CELA2A: variants seen among roughly 807,000 people sequenced by gnomAD.
The protein encoded by CELA2A is chymotrypsin-like elastase family member 2A.
Under a neutral mutation model 35.3 loss-of-function variants are expected in CELA2A, and 31 were observed. That is an observed-to-expected ratio of 0.88 (90% CI 0.66 to 1.19). CELA2A has a LOEUF of 1.19. Ranked by LOEUF, CELA2A falls within the 50% of genes most tolerant of loss-of-function variation. The pLI is 0.00. For missense variants in CELA2A, 330 were observed against 352.9 expected, an observed-to-expected ratio of 0.94 and a Z score of 0.52; for synonymous variants, 150 against 149.8, an observed-to-expected ratio of 1.00 and a Z score of -0.01.
chr1:15,459,377 TG>T (rs1217798120), intron 2 of CELA2A, among the ~76,000 whole-genome samples: 2 of 151,184 alleles, frequency 1.3e-5, no homozygotes, highest in Non-Finnish European at 2.9e-5. Context: ...TTGCCCAGGC[TG>T]GTCTTGAACT....
chr1:15,467,748 T>C (rs1036677163), intron 7 of CELA2A, among the ~76,000 whole-genome samples: 4 of 151,974 alleles, frequency 2.6e-5, no homozygotes, highest in African/African-American at 7.2e-5. Flanking sequence ...AAAAGGAACA[T>C]AGAGGGTGGC....
intron 2 of CELA2A, among the ~76,000 whole-genome samples, chr1:15,460,469 T>C (rs898493600): frequency 6.6e-6 from 1 of 152,118 alleles, no homozygotes; most frequent in Admixed American, 6.5e-5. Context: ...AAACAGGTCA[T>C]CGTTCCCCAC....
At position 15,466,571 on chromosome 1, in the gene CELA2A, A is replaced by G. The variant is rs188002342; in HGVS notation, c.639+427A>G. On this transcript the variant is annotated intron_variant, in intron 6 of 7. Coordinates refer to ENST00000359621, the MANE Select transcript of CELA2A (RefSeq NM_033440.3). ...AGCGAAACTCAAAAAAAAAAACAAA[A>G]AAACTTGATCTTGGTTCTTTTTTGT... 1.0e-3 allele frequency among the ~76,000 whole-genome samples: 157 copies of G among 152,168 alleles called. 1 individual carries two copies. The highest frequency in any genetic ancestry group is 3.5e-3 in the African/African-American group (144 of 41,520).
chr1:15,465,996 C>T lies in CELA2A; in HGVS notation c.494-3C>T, dbSNP rs770132962. ...CTAATGGCTTCTCTCTGATCTCATT[C>T]AGCCAACGGGGCTGTTCCTGATGTC... On this transcript the variant is annotated splice_polypyrimidine_tract_variant and splice_region_variant and intron_variant, in intron 5 of 7. Transcript: ENST00000359621. The T allele has an allele frequency of 2.4e-5, 39 of 1,613,984 alleles. 1 individual carries two copies. Among genetic ancestry groups the T allele is most frequent in the Non-Finnish European group, 3.1e-5 (36 of 1,180,024 alleles).
intron 5 of CELA2A, among the ~76,000 whole-genome samples, chr1:15,465,003 CTTTTTTTTTTT>C (rs34001591): frequency 9.0e-5 from 7 of 77,406 alleles, no homozygotes; most frequent in Admixed American, 1.9e-4. Context: ...CTTAACTTCC[CTTTTTTTTTTT>C]TTTTTTTTTT....
chr1:15,459,368 T>C (rs1708403039), intron 2 of CELA2A, among the ~76,000 whole-genome samples: 1 of 151,246 alleles, frequency 6.6e-6, no homozygotes, highest in Non-Finnish European at 1.5e-5. Context: ...CTCACTATGT[T>C]GCCCAGGCTG....
intron 5 of CELA2A, among the ~76,000 whole-genome samples, chr1:15,465,099 C>T (rs1708498322): frequency 6.8e-6 from 1 of 147,802 alleles, no homozygotes; most frequent in Non-Finnish European, 1.5e-5. Flanking sequence ...GCAACCTCTG[C>T]CTCCCGAGCT....
At chr1:15,467,818 G>A (rs1241584399) in intron 7 of CELA2A, among the ~76,000 whole-genome samples, 8 of 152,144 alleles carry the variant, frequency 5.3e-5, no homozygotes, top group Non-Finnish European at 1.2e-4. Flanking sequence ...GCTGGGCGCC[G>A]TGGCTCATGC....
At chr1:15,467,279 G>A (rs961202053) in intron 6 of CELA2A, 107 bp from the exon 7 acceptor site, 26 of 1,209,814 alleles carry the variant, frequency 2.1e-5, no homozygotes, top group Non-Finnish European at 3.0e-5. Flanking sequence ...GTCAGCTTCC[G>A]AGGACAGTGA....
chr1:15,458,980 G>A (rs572548656), intron 2 of CELA2A, among the ~76,000 whole-genome samples: 136 of 119,270 alleles, frequency 1.1e-3, no homozygotes, highest in African/African-American at 4.3e-3. Context: ...TAGAATGATG[G>A]CAGATATTTC....
chr1:15,461,725 A>C, intron 3 of CELA2A, 67 bp downstream of exon 3: 1 of 1,579,618 alleles, frequency 6.3e-7, no homozygotes, highest in South Asian at 1.1e-5. Context: ...CTGGGGGCTC[A>C]AATGGCCTGA....
intron 2 of CELA2A, among the ~76,000 whole-genome samples, chr1:15,458,878 A>G (rs1417778480): frequency 8.5e-6 from 1 of 117,232 alleles, no homozygotes; most frequent in African/African-American, 3.1e-5. Context: ...ACACCTCTGC[A>G]CTCCAGCCTG....
rs41307796 is a variant in CELA2A at position 15,462,718 on chromosome 1, C to T, written c.228-15C>T. On this transcript the variant is annotated splice_polypyrimidine_tract_variant and intron_variant, in intron 3 of 7. Transcript: ENST00000359621. ...CTCTGGAGGTGACCCTCTCCCTGGG[C>T]CCCCTTTCTCCCAGCTCCTCCAGGA... 10 of 1,613,414 alleles carry T rather than the reference C, an allele frequency of 6.2e-6. No homozygotes were observed. In the South Asian group the frequency reaches 6.6e-5, roughly 11 times the overall value.
chr1:15,462,639 C>T (rs1157087308), intron 3 of CELA2A, 94 bp from the exon 4 acceptor site: 4 of 1,502,602 alleles, frequency 2.7e-6, no homozygotes, highest in Middle Eastern at 1.8e-4. Context: ...CATCTAGTGG[C>T]TCACGCAGCA....
At chr1:15,457,260 T>G in intron 2 of CELA2A, 86 bp downstream of exon 2, 1 of 1,336,682 alleles carries the variant, frequency 7.5e-7, no homozygotes, top group Non-Finnish European at 1.1e-6. Flanking sequence ...GCGTCTATTG[T>G]GCTGGCAAAG....
chr1:15,462,186 G>T (rs1427052010), intron 3 of CELA2A: 6 of 469,796 alleles, frequency 1.3e-5, no homozygotes, highest in Non-Finnish European at 2.2e-5. Context: ...GCTCATCACA[G>T]CTGGAACTCA....
intron 3 of CELA2A, chr1:15,461,953 G>A (rs1292379214): frequency 3.3e-6 from 2 of 606,936 alleles, no homozygotes; most frequent in African/African-American, 1.8e-5. Context: ...TCTGGAATTG[G>A]GTTCCCTTGA....
intron 7 of CELA2A, among the ~76,000 whole-genome samples, chr1:15,468,784 C>G (rs905193627): frequency 1.3e-5 from 2 of 152,116 alleles, no homozygotes; most frequent in African/African-American, 4.8e-5. Context: ...CATAGCAAGA[C>G]CCTGTCTCCA....
intron 2 of CELA2A, among the ~76,000 whole-genome samples, chr1:15,457,959 G>C (rs1426144011): frequency 6.6e-6 from 1 of 152,180 alleles, no homozygotes; most frequent in African/African-American, 2.4e-5. Context: ...TGGGGCACAG[G>C]TGTAAATTAC....
Sources: allele counts gnomAD v4.1 joint callset (sites outside exome capture counted in the v4.1 genomes callset), GRCh38; gene constraint gnomAD v4.1.1; transcripts MANE v1.5; gene names NCBI Gene and HGNC (gene_info 2026-07-23, HGNC 2026-07-21).